The following NXPE1 variants were observed in gnomAD, a reference collection of about 807,000 sequenced individuals.
The protein encoded by NXPE1 is NXPE family member 1.
A neutral mutation model predicts 33.3 loss-of-function variants in NXPE1; 31 were observed. The observed-to-expected ratio is 0.93, with a 90% CI of 0.70 to 1.26. The LOEUF (loss-of-function observed/expected upper bound fraction) is 1.26. Ranked by LOEUF, NXPE1 falls within the 50% of genes most tolerant of loss-of-function variation. The pLI, the probability that NXPE1 is intolerant of heterozygous loss-of-function variation, is 0.00. For synonymous variants in NXPE1, 229 were observed against 231.4 expected (o/e 0.99, Z 0.09); for missense variants, 661 against 655.6 (o/e 1.01, Z -0.09).
chr11:114,541,668 G>A (rs996123981), intron 5 of NXPE1, among the ~76,000 whole-genome samples: 1 of 152,046 alleles, frequency 6.6e-6, no homozygotes, highest in African/African-American at 2.4e-5. Flanking sequence ...AATTTGAAGT[G>A]GGGGGGATGG....
At chr11:114,530,431 A>G in exon 6 of NXPE1, 1 of 1,614,240 alleles carries the variant, frequency 6.2e-7, no homozygotes, top group Non-Finnish European at 8.5e-7. Flanking sequence ...CTTGCCCTCC[A>G]GAGAGCCGAC....
At chr11:114,519,318 C>G (rs1591245212), downstream of NXPE1, among the ~76,000 whole-genome samples, 1 of 152,258 alleles carries the variant, frequency 6.6e-6, no homozygotes, top group East Asian at 1.9e-4. Flanking sequence ...CTCATTGGTT[C>G]TATCCCATTA....
exon 6 of NXPE1, chr11:114,530,623 C>T: frequency 1.9e-6 from 3 of 1,614,136 alleles, no homozygotes; most frequent in South Asian, 1.1e-5. Context: ...TTCCTCTGTC[C>T]CAAGTGGTCC....
intron 5 of NXPE1, among the ~76,000 whole-genome samples, chr11:114,535,839 G>T (rs752377072): frequency 3.9e-4 from 59 of 151,896 alleles, no homozygotes; most frequent in African/African-American, 9.9e-4. Context: ...AATGGGAGAC[G>T]TTAACACCCC....
intron 5 of NXPE1, among the ~76,000 whole-genome samples, chr11:114,544,593 C>A (rs911719640): frequency 5.9e-5 from 9 of 152,004 alleles, no homozygotes; most frequent in Non-Finnish European, 1.3e-4. Flanking sequence ...GGATGACAGA[C>A]CTAAATAAAT....
chr11:114,522,654 C>T (rs887639600), intron 8 of NXPE1, 151 bp from the exon 9 acceptor site: 3 of 738,704 alleles, frequency 4.1e-6, no homozygotes, highest in Middle Eastern at 3.8e-4. Context: ...CCAGTTCATA[C>T]ATGTAAAATG....
At chr11:114,550,894 T>G (rs1192476714) in intron 5 of NXPE1, among the ~76,000 whole-genome samples, 2 of 152,080 alleles carry the variant, frequency 1.3e-5, no homozygotes, top group Non-Finnish European at 2.9e-5. Context: ...AAATCCTAAT[T>G]GGAATGGACT....
At chr11:114,525,714 C>T (rs1947347982) in intron 7 of NXPE1, among the ~76,000 whole-genome samples, 1 of 152,136 alleles carries the variant, frequency 6.6e-6, no homozygotes, top group African/African-American at 2.4e-5. Context: ...TGATAAACTG[C>T]CTTTGTTCTG....
chr11:114,527,873 C>T, exon 7 of NXPE1: 2 of 1,606,342 alleles, frequency 1.2e-6, no homozygotes, highest in Non-Finnish European at 1.7e-6. Context: ...TGTTTACGAT[C>T]CTTCATCATT....
chr11:114,547,711 G>C (rs950246864), intron 5 of NXPE1, among the ~76,000 whole-genome samples: 1 of 152,172 alleles, frequency 6.6e-6, no homozygotes, highest in Admixed American at 6.5e-5. Flanking sequence ...CTCCAGCCTG[G>C]GTGTCAGAGC....
intron 2 of NXPE1, among the ~76,000 whole-genome samples, chr11:114,552,544 A>G (rs1948527382): frequency 1.3e-5 from 2 of 151,992 alleles, no homozygotes; most frequent in South Asian, 4.2e-4. Context: ...GAAATTTCAT[A>G]TTTTCTCGGA....
chr11:114,533,461 C>T (rs994961613), intron 5 of NXPE1, among the ~76,000 whole-genome samples: 7 of 152,086 alleles, frequency 4.6e-5, no homozygotes, highest in East Asian at 1.9e-4. Flanking sequence ...TGCAGCACAC[C>T]GTGCATGAGC....
intron 5 of NXPE1, among the ~76,000 whole-genome samples, chr11:114,550,453 G>A (rs1241803389): frequency 6.6e-6 from 1 of 152,062 alleles, no homozygotes; most frequent in Non-Finnish European, 1.5e-5. Flanking sequence ...TACGGAGGCC[G>A]CACTCAACAT....
chr11:114,539,027 A>G (rs1947970196), intron 5 of NXPE1, among the ~76,000 whole-genome samples: 1 of 152,180 alleles, frequency 6.6e-6, no homozygotes, highest in South Asian at 2.1e-4. Flanking sequence ...AAGACTTGGA[A>G]CCAACCCAAA....
At chr11:114,528,498 T>C (rs1304640269) in intron 6 of NXPE1, among the ~76,000 whole-genome samples, 1 of 152,230 alleles carries the variant, frequency 6.6e-6, no homozygotes, top group Non-Finnish European at 1.5e-5. Context: ...TCTGACAAAC[T>C]TGCTTTCTGA....
chr11:114,530,562 G>C (rs115886410), exon 6 of NXPE1: 1 of 1,613,840 alleles, frequency 6.2e-7, no homozygotes, highest in Admixed American at 1.7e-5. Flanking sequence ...AGCACCTGCC[G>C]TCAGTGCTGG....
exon 6 of NXPE1, chr11:114,530,566 G>A: frequency 6.2e-7 from 1 of 1,614,004 alleles, no homozygotes; most frequent in East Asian, 2.2e-5. Flanking sequence ...CCTGCCGTCA[G>A]TGCTGGGGAG....
intron 5 of NXPE1, among the ~76,000 whole-genome samples, chr11:114,532,711 CTGTG>C (rs1378597273): frequency 1.3e-5 from 2 of 152,076 alleles, no homozygotes; most frequent in Non-Finnish European, 2.9e-5. Context: ...CTCTTTCTCT[CTGTG>C]TGTATGTGCA....
chr11:114,534,667 C>T (rs1947727845), intron 5 of NXPE1, among the ~76,000 whole-genome samples: 1 of 152,088 alleles, frequency 6.6e-6, no homozygotes, highest in Non-Finnish European at 1.5e-5. Flanking sequence ...ATGTGATCAA[C>T]TGGAAGAAAG....
Sources: allele counts gnomAD v4.1 joint callset (sites outside exome capture counted in the v4.1 genomes callset), GRCh38; gene constraint gnomAD v4.1.1; transcripts MANE v1.5; gene names NCBI Gene and HGNC (gene_info 2026-07-23, HGNC 2026-07-21).